Variants in SCAPER observed in about 807,000 individuals in gnomAD.
SCAPER encodes S-phase cyclin A associated protein in the ER, also known as S phase cyclin A-associated protein in the endoplasmic reticulum.
In SCAPER, 98 loss-of-function variants were observed where a neutral mutation model predicts 182.2. The ratio of observed to expected loss-of-function variants is 0.54; its 90% CI spans 0.46 to 0.64. SCAPER has a LOEUF of 0.64. SCAPER is among the 30% of genes least tolerant of loss of function. The probability of loss-of-function intolerance (pLI) is 0.00; values close to 1 mark genes in which losing one functional copy is unlikely to be tolerated. For synonymous variants in SCAPER, 605 were observed against 564.6 expected, an observed-to-expected ratio of 1.07 and a Z score of -1.01; for missense variants, 1,432 against 1,690.0, an observed-to-expected ratio of 0.85 and a Z score of 2.68.
At chr15:76,753,141 C>T (rs2151190758) in intron 15 of SCAPER, among the ~76,000 whole-genome samples, 1 of 151,842 alleles carries the variant, frequency 6.6e-6, no homozygotes, top group East Asian at 1.9e-4. Flanking sequence ...TGAAAGTACA[C>T]ATCTGCACAA....
chr15:76,754,752 C>CA (rs1394938532), intron 14 of SCAPER, among the ~76,000 whole-genome samples: 1 of 151,942 alleles, frequency 6.6e-6, no homozygotes, highest in African/African-American at 2.4e-5. Flanking sequence ...AAGTATGATA[C>CA]AAAAATAGCA....
At chr15:76,842,004 T>C in intron 4 of SCAPER, 73 bp from the exon 5 acceptor site, 5 of 1,323,762 alleles carry the variant, frequency 3.8e-6, no homozygotes, top group Middle Eastern at 4.8e-4. Context: ...TTATAAAGAT[T>C]CAATCAACTA....
At chr15:76,382,497 C>A (rs1406107217) in intron 27 of SCAPER, among the ~76,000 whole-genome samples, 1 of 151,370 alleles carries the variant, frequency 6.6e-6, no homozygotes, top group Non-Finnish European at 1.5e-5. Context: ...GGTAGCCAGG[C>A]AATTCTGAAT....
At chr15:76,363,032 A>AC (rs941440300) in intron 29 of SCAPER, among the ~76,000 whole-genome samples, 17 of 152,192 alleles carry the variant, frequency 1.1e-4, no homozygotes, top group Admixed American at 9.2e-4. Context: ...TGTCACTGGG[A>AC]CCCCAGCACT....
At chr15:76,759,897 T>C (rs1219748490) in intron 14 of SCAPER, among the ~76,000 whole-genome samples, 1 of 152,224 alleles carries the variant, frequency 6.6e-6, no homozygotes, top group African/African-American at 2.4e-5. Context: ...TCTATGTTCA[T>C]CTGGAATACC....
intron 10 of SCAPER, among the ~76,000 whole-genome samples, chr15:76,768,825 C>CA (rs60357495): frequency 2.1e-5 from 3 of 144,954 alleles, no homozygotes; most frequent in African/African-American, 7.6e-5. Flanking sequence ...GGTATTTTCT[C>CA]AAAAAAAAAA....
rs116533748 is a variant in SCAPER, at chr15:76,522,669, A to G, written c.2839-17695T>C. 2.2e-3 allele frequency among the ~76,000 whole-genome samples: 339 copies of G among 152,194 alleles called. 2 individuals are homozygous for G. The highest frequency in any genetic ancestry group is 7.7e-3 in the African/African-American group (321 of 41,560). ...TAACAAAATGTTGGGGGATGGGGAC[A>G]TTAGAGGAGTGACGACTAAGGTGTA... is the stretch of plus-strand genomic sequence containing the variant. On this transcript the variant is annotated intron_variant, in intron 23 of 31. Coordinates refer to ENST00000563290, the MANE Select transcript of SCAPER (RefSeq NM_020843.4).
chr15:76,750,607 A>G (rs1026529440), intron 15 of SCAPER, among the ~76,000 whole-genome samples: 1 of 151,922 alleles, frequency 6.6e-6, no homozygotes, highest in African/African-American at 2.4e-5. Context: ...GGTACAACAT[A>G]TGAAAACTGG....
chr15:76,698,930 T>C (rs1462745499), intron 20 of SCAPER, among the ~76,000 whole-genome samples: 1 of 152,244 alleles, frequency 6.6e-6, no homozygotes, highest in Non-Finnish European at 1.5e-5. Flanking sequence ...GTGTTATCTC[T>C]GGTATCTTTG....
chr15:76,800,107 C>A (rs141325444), intron 7 of SCAPER, 141 bp downstream of exon 7: 68 of 248,632 alleles, frequency 2.7e-4, no homozygotes, highest in Admixed American at 1.8e-3. Context: ...GTGTTCCCCT[C>A]CTGTGTCAGA....
chr15:76,877,493 G>C (rs142993348), intron 2 of SCAPER, among the ~76,000 whole-genome samples: 1 of 152,142 alleles, frequency 6.6e-6, no homozygotes, highest in Non-Finnish European at 1.5e-5. Context: ...TATCAAAAGA[G>C]AAAACAGAAA....
chr15:76,573,278 T>C (rs2047578175), intron 23 of SCAPER, among the ~76,000 whole-genome samples: 1 of 152,166 alleles, frequency 6.6e-6, no homozygotes, highest in South Asian at 2.1e-4. Context: ...AACACAAATG[T>C]AGTGGTAACA....
chr15:76,393,770 T>C (rs1032848589), intron 27 of SCAPER, among the ~76,000 whole-genome samples: 2 of 152,224 alleles, frequency 1.3e-5, no homozygotes, highest in Non-Finnish European at 2.9e-5. Context: ...ATATGGTTTC[T>C]AGCTGCTCTC....
At chr15:76,878,733 G>A (rs2073346946) in intron 2 of SCAPER, among the ~76,000 whole-genome samples, 1 of 151,988 alleles carries the variant, frequency 6.6e-6, no homozygotes. Flanking sequence ...TTTGAGACCA[G>A]CCTGGGCAAC....
intron 5 of SCAPER, among the ~76,000 whole-genome samples, chr15:76,831,854 C>T (rs2068517550): frequency 6.6e-6 from 1 of 152,114 alleles, no homozygotes; most frequent in Admixed American, 6.5e-5. Flanking sequence ...GGGTTAGAGT[C>T]CACAGCACAG....
At chr15:76,537,298 C>T (rs199877527) in intron 23 of SCAPER, among the ~76,000 whole-genome samples, 14 of 151,896 alleles carry the variant, frequency 9.2e-5, no homozygotes, top group East Asian at 5.8e-4. Flanking sequence ...GGAGGCATCA[C>T]GCTACCTGAC....
chr15:76,395,812 T>C (rs2044009969), intron 27 of SCAPER, among the ~76,000 whole-genome samples: 1 of 152,104 alleles, frequency 6.6e-6, no homozygotes, highest in East Asian at 1.9e-4. Context: ...CTTCACTTGA[T>C]TGATTGTTTC....
chr15:76,855,925 T>C (rs1368107478), intron 4 of SCAPER: 5 of 380,018 alleles, frequency 1.3e-5, no homozygotes, highest in Non-Finnish European at 2.2e-5. Flanking sequence ...ACTGGGTATA[T>C]TACCAGAGGA....
At chr15:76,362,130 A>T (rs2041465631) in intron 29 of SCAPER, among the ~76,000 whole-genome samples, 1 of 151,262 alleles carries the variant, frequency 6.6e-6, no homozygotes, top group Non-Finnish European at 1.5e-5. Context: ...CCACCACCAT[A>T]CCCAGCTAAT....
Sources: allele counts gnomAD v4.1 joint callset (sites outside exome capture counted in the v4.1 genomes callset), GRCh38; gene constraint gnomAD v4.1.1; transcripts MANE v1.5; gene names NCBI Gene and HGNC (gene_info 2026-07-23, HGNC 2026-07-21).